The following DMD variants were observed in gnomAD, a reference collection of about 807,000 sequenced individuals.
DMD encodes the protein mutant dystrophin.
DMD carries 63 observed loss-of-function variants against 330.1 expected under a neutral mutation model. The observed-to-expected ratio is 0.19, with a 90% CI of 0.16 to 0.24. DMD has a LOEUF of 0.24. Among genes scored for constraint, DMD ranks in the 10% least tolerant of loss-of-function variants. The pLI, the probability that DMD is intolerant of heterozygous loss-of-function variation, is 1.00. For synonymous variants in DMD, 1,223 were observed against 959.8 expected (o/e 1.27, Z -5.07); for missense variants, 3,344 against 2,684.1 (o/e 1.25, Z -5.43).
At chrX:31,894,265 T>A (rs1473102453) in intron 47 of DMD, among the ~76,000 whole-genome samples, 1 of 112,183 alleles carries the variant, frequency 8.9e-6, no homozygotes, top group Non-Finnish European at 1.9e-5. Context: ...TTAAACGTCT[T>A]TCCTCCAAAG....
chrX:33,130,444 A>G (rs1376469055), intron 1 of DMD, among the ~76,000 whole-genome samples: 3 of 110,565 alleles, frequency 2.7e-5, no homozygotes, highest in Non-Finnish European at 5.7e-5. Flanking sequence ...TCAGAAAAAC[A>G]GGAATGTCTG....
chrX:31,350,188 G>A (rs2058316713), intron 60 of DMD, among the ~76,000 whole-genome samples: 1 of 111,329 alleles, frequency 9.0e-6, no homozygotes, highest in Admixed American at 9.6e-5. Flanking sequence ...CTACCTGCCT[G>A]TCCTGCACTA....
intron 51 of DMD, among the ~76,000 whole-genome samples, chrX:31,744,143 C>T (rs769951069): frequency 1.8e-5 from 2 of 112,073 alleles, no homozygotes; most frequent in East Asian, 5.6e-4. Flanking sequence ...GTTAGGATTA[C>T]AGGTGTGAGC....
At chrX:32,438,847 T>A (rs1447670400) in intron 28 of DMD, among the ~76,000 whole-genome samples, 3 of 111,629 alleles carry the variant, frequency 2.7e-5, no homozygotes, top group African/African-American at 9.8e-5. Flanking sequence ...TGACTTTGAG[T>A]GTGAGGTCCT....
intron 43 of DMD, among the ~76,000 whole-genome samples, chrX:32,275,599 G>T (rs1569555519): frequency 8.9e-6 from 1 of 112,018 alleles, no homozygotes; most frequent in Non-Finnish European, 1.9e-5. Flanking sequence ...GAACTGGTAA[G>T]TGTTTTGGTG....
intron 62 of DMD, among the ~76,000 whole-genome samples, chrX:31,265,524 T>C (rs933318409): frequency 1.8e-5 from 2 of 111,025 alleles, no homozygotes; most frequent in Non-Finnish European, 3.8e-5. Flanking sequence ...CTCCGTTTTA[T>C]TTGCTTTTCA....
intron 63 of DMD, among the ~76,000 whole-genome samples, chrX:31,230,068 A>G (rs1472416006): frequency 8.9e-6 from 1 of 112,375 alleles, no homozygotes; most frequent in Non-Finnish European, 1.9e-5. Flanking sequence ...TTAAAGAATT[A>G]GCTGAGAGAA....
At chrX:31,331,018 C>T (rs1053112517) in intron 61 of DMD, among the ~76,000 whole-genome samples, 1 of 112,197 alleles carries the variant, frequency 8.9e-6, no homozygotes. Context: ...CAAAGATGGG[C>T]AGACTTTCCA....
chrX:32,964,255 C>CAAAAA (rs781702491), intron 2 of DMD, among the ~76,000 whole-genome samples: 19 of 35,186 alleles, frequency 5.4e-4, no homozygotes, highest in Admixed American at 2.6e-3. Context: ...GACTCCATCT[C>CAAAAA]AAAAAAAAAA....
intron 45 of DMD, among the ~76,000 whole-genome samples, chrX:31,960,124 C>G (rs1393794285): frequency 4.6e-5 from 5 of 108,965 alleles, no homozygotes; most frequent in Admixed American, 2.0e-4. Flanking sequence ...TCATAGAAAC[C>G]ACAATTCTCT....
intron 65 of DMD, among the ~76,000 whole-genome samples, chrX:31,208,711 C>A (rs1193696488): frequency 9.0e-6 from 1 of 111,602 alleles, no homozygotes; most frequent in Non-Finnish European, 1.9e-5. Flanking sequence ...TTTCAGAAAA[C>A]CTTCCCAGAT....
At chrX:32,413,522 G>A (rs1020044102) in intron 29 of DMD, among the ~76,000 whole-genome samples, 2 of 108,571 alleles carry the variant, frequency 1.8e-5, no homozygotes, top group African/African-American at 3.4e-5. Context: ...TCTCTCCATT[G>A]TCTTTACTCT....
chrX:31,236,885 C>T (rs1921396), intron 63 of DMD, among the ~76,000 whole-genome samples: 1 of 110,586 alleles, frequency 9.0e-6, no homozygotes, highest in African/African-American at 3.3e-5. Context: ...TATGTTTTGA[C>T]AGTCAAATTA....
intron 76 of DMD, among the ~76,000 whole-genome samples, chrX:31,139,590 T>C (rs374753935): frequency 4.6e-5 from 5 of 108,821 alleles, no homozygotes; most frequent in African/African-American, 1.7e-4. Flanking sequence ...TTACTCTAAG[T>C]AAAGTAACTC....
chrX:32,109,001 G>A (rs984609218), intron 44 of DMD, among the ~76,000 whole-genome samples: 1 of 111,929 alleles, frequency 8.9e-6, no homozygotes, highest in African/African-American at 3.2e-5. Context: ...AATGTTAAAA[G>A]TGGTTTGCTG....
At chrX:32,873,745 T>TC (rs2083175069) in intron 2 of DMD, among the ~76,000 whole-genome samples, 1 of 112,140 alleles carries the variant, frequency 8.9e-6, no homozygotes, top group African/African-American at 3.2e-5. Flanking sequence ...CCTTTGCTTC[T>TC]CCAAAGTCGA....
At chrX:32,105,248 G>T (rs1169449685) in intron 44 of DMD, among the ~76,000 whole-genome samples, 1 of 111,542 alleles carries the variant, frequency 9.0e-6, no homozygotes, top group Admixed American at 9.6e-5. Flanking sequence ...AACATTAAGA[G>T]AACATATGCA....
chrX:31,853,177 C>T (rs1311723757), intron 48 of DMD, among the ~76,000 whole-genome samples: 1 of 112,878 alleles, frequency 8.9e-6, no homozygotes, highest in East Asian at 2.8e-4. Context: ...AGCCACTGCA[C>T]CTGGCCAATT....
chrX:31,967,843 C>G (rs973833032), intron 45 of DMD, among the ~76,000 whole-genome samples: 1 of 111,704 alleles, frequency 9.0e-6, no homozygotes. Flanking sequence ...CCCCATTAAA[C>G]TTGTACCTCT....
Sources: allele counts gnomAD v4.1 joint callset (sites outside exome capture counted in the v4.1 genomes callset), GRCh38; gene constraint gnomAD v4.1.1; transcripts MANE v1.5; gene names NCBI Gene and HGNC (gene_info 2026-07-23, HGNC 2026-07-21).